The following LRRC4C variants were observed in gnomAD, a reference collection of about 807,000 sequenced individuals.
LRRC4C encodes the protein leucine rich repeat containing 4C.
Under a neutral mutation model 33.6 loss-of-function variants are expected in LRRC4C, and 5 were observed. The observed-to-expected ratio is 0.15, with a 90% confidence interval of 0.08 to 0.31. The LOEUF is 0.31. LRRC4C is among the 10% of genes least tolerant of loss of function. The pLI is 1.00. For synonymous variants in LRRC4C, 329 were observed against 302.0 expected, an observed-to-expected ratio of 1.09 and a Z score of -0.93; for missense variants, 560 against 796.7, an observed-to-expected ratio of 0.70 and a Z score of 3.58.
chr11:40,461,062 A>G (rs1477828047), intron 3 of LRRC4C, among the ~76,000 whole-genome samples: 1 of 152,190 alleles, frequency 6.6e-6, no homozygotes. Flanking sequence ...CCTAAAGTTT[A>G]AACAGATGGG....
chr11:40,648,056 T>C (rs1319608702), intron 3 of LRRC4C, 86 bp downstream of exon 3: 1 of 152,170 alleles, frequency 6.6e-6, no homozygotes, highest in East Asian at 1.9e-4. Context: ...AAAGGAGAAT[T>C]ATAATGATCT....
chr11:40,220,180 G>A (rs1864298876), intron 5 of LRRC4C, among the ~76,000 whole-genome samples: 1 of 152,106 alleles, frequency 6.6e-6, no homozygotes, highest in Non-Finnish European at 1.5e-5. Context: ...TAAACCTTTT[G>A]AGACTATGAC....
chr11:41,086,928 T>C (rs1218676282), intron 1 of LRRC4C, among the ~76,000 whole-genome samples: 3 of 152,158 alleles, frequency 2.0e-5, no homozygotes, highest in Admixed American at 6.6e-5. Context: ...ACTAACATTG[T>C]TTCTTCAGAA....
intron 2 of LRRC4C, among the ~76,000 whole-genome samples, chr11:40,795,737 G>A (rs187577345): frequency 5.3e-5 from 8 of 152,166 alleles, no homozygotes; most frequent in Non-Finnish European, 1.0e-4. Flanking sequence ...GTTCAAAAGA[G>A]ACGAAATATA....
chr11:40,119,443 A>T (rs1855667963), intron 6 of LRRC4C, among the ~76,000 whole-genome samples: 1 of 151,768 alleles, frequency 6.6e-6, no homozygotes, highest in African/African-American at 2.4e-5. Context: ...TTTTCACACG[A>T]TCTGGTACTG....
At chr11:41,358,671 A>G (rs1250349820) in intron 1 of LRRC4C, among the ~76,000 whole-genome samples, 1 of 151,512 alleles carries the variant, frequency 6.6e-6, no homozygotes, top group Non-Finnish European at 1.5e-5. Flanking sequence ...AAATTAAAAC[A>G]ACGATGAGAT....
At chr11:41,430,704 T>C (rs1165845241) in intron 1 of LRRC4C, among the ~76,000 whole-genome samples, 1 of 152,134 alleles carries the variant, frequency 6.6e-6, no homozygotes, top group East Asian at 1.9e-4. Flanking sequence ...CATAAATAAC[T>C]ATAAAGAATA....
At position 40,871,100 on chromosome 11, in the gene LRRC4C, G is replaced by A. The variant is rs190592326; in HGVS notation, c.-407+62535C>T. Among the ~76,000 whole-genome samples the A allele has an allele frequency of 5.3e-5, 8 of 152,122 alleles. No individual in the cohort carries two copies. The East Asian group carries it at 1.2e-3, about 22-fold the overall frequency. ...GGCTTATTAGGATGAGGAAATTCCC[G>A]CCTAATAAATTTTGGTCAGACCGGT... On this transcript the variant is annotated intron_variant, in intron 2 of 6. Transcript: ENST00000528697.
intron 4 of LRRC4C, among the ~76,000 whole-genome samples, chr11:40,272,655 C>A (rs1250853064): frequency 6.6e-6 from 1 of 152,040 alleles, no homozygotes; most frequent in African/African-American, 2.4e-5. Flanking sequence ...TGTTCCACTC[C>A]TAGCACATTA....
intron 1 of LRRC4C, among the ~76,000 whole-genome samples, chr11:41,107,181 T>C (rs138161160): frequency 0.012 from 1,804 of 152,008 alleles, 16 homozygotes; most frequent in Non-Finnish European, 0.02. Context: ...GCCATGTTGG[T>C]ACTCAAAAAA....
chr11:40,601,341 G>A (rs1485635969), intron 3 of LRRC4C, among the ~76,000 whole-genome samples: 22 of 152,086 alleles, frequency 1.4e-4, no homozygotes. Context: ...CCTTCTTCAT[G>A]GCCATGAGAG....
At chr11:40,850,304 T>C (rs980043459) in intron 2 of LRRC4C, among the ~76,000 whole-genome samples, 3 of 152,144 alleles carry the variant, frequency 2.0e-5, no homozygotes, top group Non-Finnish European at 4.4e-5. Context: ...TTGGTGATCT[T>C]TGGATGGAGT....
intron 1 of LRRC4C, among the ~76,000 whole-genome samples, chr11:40,965,368 T>A (rs1354474163): frequency 1.3e-5 from 2 of 152,146 alleles, no homozygotes; most frequent in Non-Finnish European, 2.9e-5. Flanking sequence ...AGCTCTTTAG[T>A]TTAATGAGGT....
intron 3 of LRRC4C, among the ~76,000 whole-genome samples, chr11:40,480,667 C>G (rs1953509224): frequency 6.6e-6 from 1 of 151,936 alleles, no homozygotes; most frequent in Non-Finnish European, 1.5e-5. Flanking sequence ...GACACAGATT[C>G]TTTGTATATA....
chr11:40,677,907 A>G (rs1014065660), intron 2 of LRRC4C, among the ~76,000 whole-genome samples: 6 of 152,106 alleles, frequency 3.9e-5, no homozygotes, highest in African/African-American at 1.2e-4. Flanking sequence ...TTTACGTGCT[A>G]TCTTGAGTGG....
At chr11:41,072,758 C>T (rs779797832) in intron 1 of LRRC4C, among the ~76,000 whole-genome samples, 1 of 152,112 alleles carries the variant, frequency 6.6e-6, no homozygotes, top group African/African-American at 2.4e-5. Context: ...TTCCTTACCC[C>T]TGTGCAATTT....
At chr11:40,641,736 T>C (rs747136982) in intron 3 of LRRC4C, among the ~76,000 whole-genome samples, 5 of 152,226 alleles carry the variant, frequency 3.3e-5, no homozygotes, top group Non-Finnish European at 7.3e-5. Flanking sequence ...TATTGCTTGC[T>C]CTCCATCAGG....
At chr11:41,254,471 T>C (rs1163007417) in intron 1 of LRRC4C, among the ~76,000 whole-genome samples, 1 of 152,040 alleles carries the variant, frequency 6.6e-6, no homozygotes, top group African/African-American at 2.4e-5. Context: ...CTAAATAAAA[T>C]GGACTAGTCA....
intron 1 of LRRC4C, among the ~76,000 whole-genome samples, chr11:41,382,855 G>C (rs1953208008): frequency 6.6e-6 from 1 of 152,192 alleles, no homozygotes; most frequent in East Asian, 1.9e-4. Context: ...CTTCAAAACA[G>C]GGAAGGACAA....
Sources: allele counts gnomAD v4.1 joint callset (sites outside exome capture counted in the v4.1 genomes callset), GRCh38; gene constraint gnomAD v4.1.1; transcripts MANE v1.5; gene names NCBI Gene and HGNC (gene_info 2026-07-23, HGNC 2026-07-21).